Variants in DOCK9 observed in about 807,000 individuals in gnomAD.
DOCK9 encodes dedicator of cytokinesis protein 9.
Under a neutral mutation model 263.3 loss-of-function variants are expected in DOCK9, and 89 were observed. The ratio of observed to expected loss-of-function variants is 0.34; its 90% CI spans 0.28 to 0.40. The LOEUF (loss-of-function observed/expected upper bound fraction) is 0.40. Ranked by LOEUF, DOCK9 falls within the 10% of genes least tolerant of loss-of-function variation. The pLI is 1.00. For synonymous variants in DOCK9, 976 were observed against 973.1 expected (o/e 1.00, Z -0.06); for missense variants, 2,140 against 2,603.4 (o/e 0.82, Z 3.87).
chr13:98,848,598 A>G lies in DOCK9; in HGVS notation c.4055T>C (p.Ile1352Thr). The change falls in exon 37 of 53, where the codon ATA becomes ACA. Residue 1352 changes from isoleucine (I) to threonine (T), a missense_variant. Transcript: ENST00000682017. ...HQFQYMGKRY[I>T]ARNQEGLGPI... ...TGAAAACGCCCCACAGTACCTGGCT[A>G]TGTATCGCTTCCCCATGTACTGGAA... 1.9e-6 allele frequency: 3 copies of G among 1,612,112 alleles called. No homozygotes were observed. Among genetic ancestry groups the G allele is most frequent in the South Asian group, 1.1e-5 (1 of 90,126 alleles).
chr13:99,031,153 A>T (rs1887303941), intron 1 of DOCK9, among the ~76,000 whole-genome samples: 1 of 152,202 alleles, frequency 6.6e-6, no homozygotes, highest in Non-Finnish European at 1.5e-5. Context: ...ACTTTTTAAA[A>T]TTAATTTCTG....
Position 98,925,868 on chromosome 13 carries a change from C to G in DOCK9, c.385G>C (p.Asp129His). Residue 129 changes from aspartate (D) to histidine (H), a missense_variant, in exon 4 of 53, where the codon GAT (aspartate) becomes CAT (histidine). Coordinates refer to ENST00000682017, the MANE Select transcript of DOCK9 (RefSeq NM_001366683.2). ...DWHLVNYKYEDYSGEFRQLPN... is the reference protein window; with the variant it reads ...DWHLVNYKYEHYSGEFRQLPN... ...AGCTGTCGAAACTCTCCTGAGTAAT[C>G]TTCATATTTATAGTTCACAAGATGC... The G allele has an allele frequency of 6.3e-7, 1 of 1,583,484 alleles. No homozygotes were observed. The highest frequency in any genetic ancestry group is 8.6e-7 in the Non-Finnish European group (1 of 1,163,826).
chr13:98,814,406 CTTT>C (rs36080691), intron 45 of DOCK9, among the ~76,000 whole-genome samples: 3 of 139,110 alleles, frequency 2.2e-5, no homozygotes, highest in Admixed American at 7.1e-5. Flanking sequence ...AGAAGTACGT[CTTT>C]TTTTTTTTTT....
intron 7 of DOCK9, among the ~76,000 whole-genome samples, chr13:98,918,324 CAG>C (rs983384839): frequency 6.6e-6 from 1 of 152,104 alleles, no homozygotes; most frequent in African/African-American, 2.4e-5. Flanking sequence ...ATATGCAGGG[CAG>C]AGTCTCCAGA....
intron 15 of DOCK9, among the ~76,000 whole-genome samples, chr13:98,890,665 C>T (rs1323274572): frequency 6.6e-6 from 1 of 152,150 alleles, no homozygotes; most frequent in Non-Finnish European, 1.5e-5. Context: ...AAAGTTCCTA[C>T]CTACAATTTT....
chr13:99,066,764 T>C (rs2041438724), intron 1 of DOCK9, among the ~76,000 whole-genome samples: 1 of 152,136 alleles, frequency 6.6e-6, no homozygotes, highest in South Asian at 2.1e-4. Context: ...AGGTTGTCAA[T>C]AGCTACATTA....
chr13:99,062,649 CT>C (rs2041242056), intron 1 of DOCK9, among the ~76,000 whole-genome samples: 2 of 152,226 alleles, frequency 1.3e-5, no homozygotes, highest in Admixed American at 1.3e-4. Context: ...CATCCGCTGC[CT>C]GCTTTTCTGC....
intron 47 of DOCK9, 177 bp downstream of exon 47, chr13:98,809,175 A>G (rs2091036659): frequency 6.9e-7 from 1 of 1,453,008 alleles, no homozygotes; most frequent in Non-Finnish European, 9.4e-7. Flanking sequence ...AAAAAAGCAG[A>G]AAGTTTACTA....
At chr13:98,977,720 C>T in intron 1 of DOCK9, 64 bp downstream of exon 1, 2 of 1,547,722 alleles carry the variant, frequency 1.3e-6, no homozygotes, top group Non-Finnish European at 8.8e-7. Flanking sequence ...CAACCCCGTC[C>T]ACACGCACAA....
At chr13:99,056,384 A>G (rs1318966745) in intron 1 of DOCK9, among the ~76,000 whole-genome samples, 2 of 152,246 alleles carry the variant, frequency 1.3e-5, no homozygotes, top group Non-Finnish European at 2.9e-5. Context: ...AAACATTATC[A>G]AAGTAAGGTT....
intron 39 of DOCK9, among the ~76,000 whole-genome samples, chr13:98,835,643 C>T (rs1471424389): frequency 2.6e-5 from 4 of 151,516 alleles, no homozygotes; most frequent in African/African-American, 9.7e-5. Flanking sequence ...CTGGAATTCA[C>T]ATCTGAACTC....
chr13:98,813,327 T>C (rs561273539), intron 45 of DOCK9, among the ~76,000 whole-genome samples: 1 of 152,354 alleles, frequency 6.6e-6, no homozygotes, highest in Admixed American at 6.5e-5. Context: ...TCTTTCACAA[T>C]TAAATATGAT....
chr13:98,936,601 T>C (rs950943293), intron 2 of DOCK9, among the ~76,000 whole-genome samples: 145 of 142,888 alleles, frequency 1.0e-3, no homozygotes, highest in Admixed American at 1.9e-3. Flanking sequence ...GCCTGGGTGA[T>C]GGAGTGAGAC....
At chr13:98,893,122 G>A (rs1328730742) in intron 15 of DOCK9, among the ~76,000 whole-genome samples, 1 of 152,232 alleles carries the variant, frequency 6.6e-6, no homozygotes, top group Non-Finnish European at 1.5e-5. Context: ...ATGGCAGAGG[G>A]AAGTCCCCAG....
intron 18 of DOCK9, 32 bp downstream of exon 18, chr13:98,888,126 C>A: frequency 6.8e-7 from 1 of 1,465,336 alleles, no homozygotes; most frequent in Non-Finnish European, 9.3e-7. Flanking sequence ...AATCAGAATT[C>A]GTAGGTGAAC....
intron 1 of DOCK9, among the ~76,000 whole-genome samples, chr13:99,040,178 A>C (rs1888322135): frequency 6.6e-6 from 1 of 152,174 alleles, no homozygotes; most frequent in Non-Finnish European, 1.5e-5. Flanking sequence ...TCATGTATGG[A>C]TACAATGAGA....
intron 12 of DOCK9, 130 bp downstream of exon 12, chr13:98,902,158 A>G (rs1015568120): frequency 1.9e-6 from 2 of 1,045,872 alleles, no homozygotes; most frequent in African/African-American, 3.2e-5. Context: ...GTCTAATAAT[A>G]AATACTATTA....
intron 1 of DOCK9, among the ~76,000 whole-genome samples, chr13:99,009,352 C>T (rs1384587525): frequency 5.3e-5 from 8 of 152,098 alleles, no homozygotes; most frequent in East Asian, 3.8e-4. Flanking sequence ...CAAAACCCAC[C>T]GGGCATCATT....
chr13:98,853,630 C>T (rs1372800491), intron 34 of DOCK9, 108 bp from the exon 35 acceptor site: 82 of 808,826 alleles, frequency 1.0e-4, no homozygotes, highest in Non-Finnish European at 1.4e-4. Context: ...AGATCATACA[C>T]ATTGGAAGGT....
Sources: gnomAD v4.1 joint callset for allele counts (sites outside exome capture counted in the v4.1 genomes callset) on GRCh38, gnomAD v4.1.1 for gene constraint, MANE v1.5 for transcripts, NCBI Gene and HGNC (gene_info 2026-07-23, HGNC 2026-07-21) for gene names.